The following WDR41 variants were observed in gnomAD, a reference collection of about 807,000 sequenced individuals.
WDR41 encodes WD repeat domain 41.
A neutral mutation model predicts 69.3 loss-of-function variants in WDR41; 63 were observed. That is an observed-to-expected ratio of 0.91 (90% CI 0.74 to 1.12). WDR41 has a LOEUF of 1.12. WDR41 is among the 50% of genes most tolerant of loss of function. The pLI is 0.00. For synonymous variants in WDR41, 185 were observed against 192.1 expected (o/e 0.96, Z 0.31); for missense variants, 543 against 534.5 (o/e 1.02, Z -0.16).
At chr5:77,525,401 T>C (rs1467920047) in intron 1 of WDR41, among the ~76,000 whole-genome samples, 1 of 152,156 alleles carries the variant, frequency 6.6e-6, no homozygotes, top group African/African-American at 2.4e-5. Flanking sequence ...AAAAATGAAA[T>C]AGAAGTTCCT....
At chr5:77,559,985 A>G (rs559429439) in intron 1 of WDR41, among the ~76,000 whole-genome samples, 1 of 152,274 alleles carries the variant, frequency 6.6e-6, no homozygotes, top group East Asian at 1.9e-4. Context: ...ACAAGGTAGG[A>G]AAGGAAAAAG....
At chr5:77,487,799 C>T (rs1012305646) in intron 2 of WDR41, among the ~76,000 whole-genome samples, 23 of 152,038 alleles carry the variant, frequency 1.5e-4, no homozygotes, top group African/African-American at 4.8e-4. Context: ...CTACCAGTCA[C>T]GGTGGGGAGG....
At chr5:77,583,132 C>A in intron 1 of WDR41, 1 of 1,379,364 alleles carries the variant, frequency 7.2e-7, no homozygotes, top group Non-Finnish European at 1.0e-6. Context: ...AGGTGTCTAC[C>A]ATGATTATTT....
intron 1 of WDR41, among the ~76,000 whole-genome samples, chr5:77,561,894 TTGTTA>T (rs1743533863): frequency 6.6e-6 from 1 of 152,204 alleles, no homozygotes; most frequent in South Asian, 2.1e-4. Flanking sequence ...AGGTTTTATT[TTGTTA>T]TATTTTGTTT....
chr5:77,443,959 T>C (rs992337148), intron 8 of WDR41, among the ~76,000 whole-genome samples: 3 of 149,430 alleles, frequency 2.0e-5, no homozygotes, highest in African/African-American at 7.4e-5. Flanking sequence ...CTTGGCTCCC[T>C]GTAACCTCCA....
rs1798719755 is a variant in WDR41, at chr5:77,431,471, G to A, written c.*1664C>T. On this transcript the variant is annotated 3_prime_UTR_variant, in exon 13 of 13. Transcript: ENST00000296679. Reference sequence around the variant, plus strand: ...CACTGGGAAACCAAAAACTAGATGTGACTCACTCTATTTGCAATAGTTGCT... The same window carrying A: ...CACTGGGAAACCAAAAACTAGATGTAACTCACTCTATTTGCAATAGTTGCT... 1 of 152,162 alleles carries A rather than the reference G, an allele frequency of 6.6e-6. No homozygotes were observed. The highest frequency in any genetic ancestry group is 1.5e-5 in the Non-Finnish European group (1 of 68,036). The allele number at this position is 152,162 out of a possible 1,614,324, so 9.4% of individuals were successfully genotyped here. A position where few individuals can be genotyped will look rare whatever the true frequency, so the allele number is the denominator to read the frequency against.
At chr5:77,448,868 AAAACAAAC>A (rs10646790) in intron 8 of WDR41, among the ~76,000 whole-genome samples, 8 of 149,296 alleles carry the variant, frequency 5.4e-5, no homozygotes, top group East Asian at 2.0e-4. Flanking sequence ...ACTCCATCTC[AAAACAAAC>A]AAACAAACAA....
intron 1 of WDR41, among the ~76,000 whole-genome samples, chr5:77,577,719 G>T (rs1743859318): frequency 6.6e-6 from 1 of 152,112 alleles, no homozygotes; most frequent in Non-Finnish European, 1.5e-5. Flanking sequence ...TAAGAAAGCT[G>T]GGAGAAGCTC....
chr5:77,598,907 T>A (rs1472770246), intron 1 of WDR41, among the ~76,000 whole-genome samples: 1 of 152,074 alleles, frequency 6.6e-6, no homozygotes, highest in African/African-American at 2.4e-5. Flanking sequence ...AAGTCAAGAT[T>A]CTCATAGTAT....
intron 1 of WDR41, among the ~76,000 whole-genome samples, chr5:77,568,143 T>C (rs1436977435): frequency 6.6e-6 from 1 of 152,138 alleles, no homozygotes; most frequent in Non-Finnish European, 1.5e-5. Flanking sequence ...CTTTAAGATG[T>C]AGCCTTGAGG....
intron 1 of WDR41, among the ~76,000 whole-genome samples, chr5:77,531,756 G>A (rs1406196911): frequency 6.6e-6 from 1 of 151,976 alleles, no homozygotes; most frequent in Non-Finnish European, 1.5e-5. Flanking sequence ...TAGCTCAAAT[G>A]TATTGTTCAG....
At chr5:77,498,923 G>C (rs1678776) in intron 1 of WDR41, among the ~76,000 whole-genome samples, 1 of 151,842 alleles carries the variant, frequency 6.6e-6, no homozygotes, top group East Asian at 1.9e-4. Flanking sequence ...TTGATAAATT[G>C]TACTACATCA....
At chr5:77,479,964 A>G (rs1801144792) in intron 2 of WDR41, 1 of 152,112 alleles carries the variant, frequency 6.6e-6, no homozygotes, top group Non-Finnish European at 1.5e-5. Flanking sequence ...AATGAACTCC[A>G]ACAAATTTAC....
chr5:77,582,107 A>T (rs1379658716), intron 1 of WDR41, among the ~76,000 whole-genome samples: 1 of 152,182 alleles, frequency 6.6e-6, no homozygotes, highest in Non-Finnish European at 1.5e-5. Context: ...ATTAATGGAG[A>T]GTGAAGGGAG....
intron 2 of WDR41, among the ~76,000 whole-genome samples, chr5:77,478,988 C>T (rs1395732011): frequency 6.6e-6 from 1 of 151,750 alleles, no homozygotes; most frequent in Admixed American, 6.6e-5. Flanking sequence ...TCTCAGGATA[C>T]AAAATCAATG....
chr5:77,480,991 G>A (rs1202456469), intron 2 of WDR41, among the ~76,000 whole-genome samples: 1 of 151,584 alleles, frequency 6.6e-6, no homozygotes, highest in African/African-American at 2.4e-5. Context: ...AATGAATTAG[G>A]CATGCTCAGT....
At chr5:77,517,301 T>G (rs1802303894) in intron 1 of WDR41, among the ~76,000 whole-genome samples, 1 of 152,166 alleles carries the variant, frequency 6.6e-6, no homozygotes, top group Admixed American at 6.5e-5. Context: ...TTTATAGATC[T>G]TCATCTTTAA....
chr5:77,573,105 T>C (rs749297933), intron 1 of WDR41, among the ~76,000 whole-genome samples: 1 of 152,152 alleles, frequency 6.6e-6, no homozygotes, highest in Non-Finnish European at 1.5e-5. Flanking sequence ...CTTACAAGGT[T>C]CCTTCCTCTC....
intron 3 of WDR41, 124 bp downstream of exon 3, chr5:77,464,637 T>C: frequency 1.0e-6 from 1 of 977,420 alleles, no homozygotes; most frequent in Non-Finnish European, 1.5e-6. Context: ...TTAGCTCTTT[T>C]CAAATATTAA....
Sources: gnomAD v4.1 joint callset for allele counts (sites outside exome capture counted in the v4.1 genomes callset) on GRCh38, gnomAD v4.1.1 for gene constraint, MANE v1.5 for transcripts, NCBI Gene and HGNC (gene_info 2026-07-23, HGNC 2026-07-21) for gene names.